Variants in DNMBP observed in about 807,000 individuals in gnomAD.
DNMBP encodes dynamin binding protein.
Under a neutral mutation model 150.0 loss-of-function variants are expected in DNMBP, and 87 were observed. The observed-to-expected ratio is 0.58, with a 90% CI of 0.49 to 0.69. The LOEUF (loss-of-function observed/expected upper bound fraction) is 0.69. Ranked by LOEUF, DNMBP falls within the 30% of genes least tolerant of loss-of-function variation. DNMBP has a pLI of 0.00. For missense variants in DNMBP, 1,774 were observed against 1,949.0 expected (o/e 0.91, Z 1.69); for synonymous variants, 711 against 750.4 (o/e 0.95, Z 0.86).
intron 4 of DNMBP, chr10:99,929,651 G>A: frequency 1.4e-6 from 1 of 700,234 alleles, no homozygotes; most frequent in South Asian, 1.5e-5. Flanking sequence ...AGCGCCTCAG[G>A]GTGCTGGGTG....
At position 99,955,369 on chromosome 10, in the gene DNMBP, T is replaced by C. The variant is rs1220994676; in HGVS notation, c.2105A>G (p.Glu702Gly). 6.2e-7 allele frequency: 1 copy of C among 1,614,070 alleles called. No homozygotes were observed. Among genetic ancestry groups the C allele is most frequent in the East Asian group, 2.2e-5 (1 of 44,890 alleles). ...PLVLVRIEEM[E>G]RDLDMYSRAQ... ...TCTACTGTACATATCCAAGTCCCGC[T>C]CCATTTCCTCAATCCTCACCAGCAC... is the stretch of plus-strand genomic sequence containing the variant. The change falls in exon 4 of 17, where the codon GAG (glutamate) becomes GGG (glycine). Residue 702 changes from glutamate to glycine, a missense_variant. Glu to Gly is a moderately conservative substitution (Grantham distance 98). Around this residue, in one of 2 missense-constraint regions of DNMBP, gnomAD observed 1,430 missense variants for 1,492.5 expected, o/e 0.96. Coordinates refer to ENST00000324109, the MANE Select transcript of DNMBP (RefSeq NM_015221.4).
At chr10:99,902,884 T>A (rs2039766150) in intron 6 of DNMBP, among the ~76,000 whole-genome samples, 1 of 150,174 alleles carries the variant, frequency 6.7e-6, no homozygotes, top group African/African-American at 2.5e-5. Context: ...GCAGAGGTCG[T>A]GCCACTGCAC....
chr10:99,964,901 T>C (rs1158677603), intron 3 of DNMBP, among the ~76,000 whole-genome samples: 1 of 149,612 alleles, frequency 6.7e-6, no homozygotes, highest in East Asian at 1.9e-4. Context: ...TATATATATA[T>C]ATATTTTAAC....
chr10:99,972,074 T>A lies in DNMBP; in HGVS notation c.51A>T (p.Val17=), dbSNP rs760850198. 1.2e-6 allele frequency: 2 copies of A among 1,614,020 alleles called. No homozygotes were observed. The highest frequency in any genetic ancestry group is 1.7e-6 in the Non-Finnish European group (2 of 1,179,984). Reference sequence around the variant, plus strand: ...CCACAAAGAGCGGCAGTTCTTCTGATACGCTAGGGCAGAAGTCAAAAATGG... The same window carrying A: ...CCACAAAGAGCGGCAGTTCTTCTGAAACGCTAGGGCAGAAGTCAAAAATGG... ...VRAIFDFCPS[V]SEELPLFVGD... The change falls in exon 2 of 17, where the codon GTA becomes GTT. Residue 17 remains valine (V), a synonymous_variant. Transcript: ENST00000324109.
At chr10:99,878,263 G>A (rs1159225834) in intron 16 of DNMBP, among the ~76,000 whole-genome samples, 1 of 152,186 alleles carries the variant, frequency 6.6e-6, no homozygotes, top group African/African-American at 2.4e-5. Context: ...AAGATCTCAT[G>A]ATCTAATGCC....
intron 2 of DNMBP, among the ~76,000 whole-genome samples, chr10:99,970,700 C>T (rs910815399): frequency 7.2e-5 from 11 of 152,064 alleles, no homozygotes; most frequent in African/African-American, 2.7e-4. Context: ...GTGCCGGGTG[C>T]GGTGGCTCAC....
At chr10:99,888,613 A>T (rs1266344847) in intron 12 of DNMBP, among the ~76,000 whole-genome samples, 1 of 150,426 alleles carries the variant, frequency 6.6e-6, no homozygotes, top group Admixed American at 6.6e-5. Context: ...GCTATTTTTT[A>T]AAAAACCTGT....
At chr10:99,930,069 A>T (rs545733588) in intron 4 of DNMBP, 1 of 702,768 alleles carries the variant, frequency 1.4e-6, no homozygotes, top group Non-Finnish European at 2.6e-6. Flanking sequence ...ATGGTATTTG[A>T]TAAATTCCTT....
At position 99,880,001 on chromosome 10, in the gene DNMBP, G is replaced by A. The variant is rs2039339056; in HGVS notation, c.4358C>T (p.Ala1453Val). ...GGCAGTGGGTTGCTTTACATCTCTA[G>A]CTACATCTGCAGAGTCCCCTGACCT... ...QPRSGDSADV[A>V]RDVKQPTATP... Residue 1453 changes from alanine to valine, a missense_variant, in exon 16 of 17, where the codon GCT (alanine) becomes GTT (valine). Around this residue, in one of 2 missense-constraint regions of DNMBP, gnomAD observed 1,430 missense variants for 1,492.5 expected, o/e 0.96. Coordinates refer to ENST00000324109, the MANE Select transcript of DNMBP (RefSeq NM_015221.4). 6.2e-6 allele frequency: 10 copies of A among 1,614,192 alleles called. No homozygotes were observed. The highest frequency in any genetic ancestry group is 4.4e-5 in the South Asian group (4 of 91,082).
At chr10:99,912,180 C>A (rs966057420) in intron 4 of DNMBP, among the ~76,000 whole-genome samples, 3 of 152,090 alleles carry the variant, frequency 2.0e-5, no homozygotes, top group Admixed American at 2.0e-4. Context: ...GGATTTAGAA[C>A]CTAAATATAT....
Position 99,955,199 on chromosome 10 carries a change from T to C in DNMBP, c.2260+15A>G. ...GTGTCAAGAAACAATTACATATTATTTCCTCGTCACTTACCTCTTAGTTGC... is the reference window on the plus strand; with the variant it reads ...GTGTCAAGAAACAATTACATATTATCTCCTCGTCACTTACCTCTTAGTTGC... On this transcript the variant is annotated intron_variant, in intron 4 of 16. Coordinates refer to ENST00000324109, the MANE Select transcript of DNMBP (RefSeq NM_015221.4). 6.2e-7 allele frequency: 1 copy of C among 1,600,620 alleles called. No individual in the cohort carries two copies. The highest frequency in any genetic ancestry group is 1.1e-5 in the South Asian group (1 of 89,004).
chr10:99,915,184 C>T (rs7894369), intron 4 of DNMBP, among the ~76,000 whole-genome samples: 60,998 of 141,436 alleles, frequency 0.43, 13,481 homozygotes, highest in Non-Finnish European at 0.46. Flanking sequence ...TATACATCTA[C>T]ACACATATAC....
chr10:99,990,756 CAT>C (rs1349050160), intron 1 of DNMBP, among the ~76,000 whole-genome samples: 1 of 98,454 alleles, frequency 1.0e-5, no homozygotes, highest in Non-Finnish European at 2.1e-5. Context: ...TGTATATACA[CAT>C]ATATACACAT....
intron 1 of DNMBP, among the ~76,000 whole-genome samples, chr10:100,001,226 G>A (rs1486347552): frequency 2.6e-5 from 2 of 77,992 alleles, no homozygotes; most frequent in Non-Finnish European, 4.5e-5. Context: ...GCAAGACTCC[G>A]TCTCATTAAA....
intron 1 of DNMBP, among the ~76,000 whole-genome samples, chr10:100,005,756 A>G (rs1346767125): frequency 2.9e-5 from 4 of 137,770 alleles, no homozygotes; most frequent in Non-Finnish European, 6.2e-5. Flanking sequence ...TCTTGTCTCA[A>G]AAGTCTCCAA....
intron 1 of DNMBP, among the ~76,000 whole-genome samples, chr10:99,991,468 T>C (rs1187877542): frequency 1.3e-5 from 2 of 152,104 alleles, no homozygotes; most frequent in Admixed American, 1.3e-4. Flanking sequence ...ATCTACTTTC[T>C]CTATATATAG....
chr10:99,912,646 G>T (rs1269411691), intron 4 of DNMBP, among the ~76,000 whole-genome samples: 1 of 152,056 alleles, frequency 6.6e-6, no homozygotes, highest in East Asian at 1.9e-4. Context: ...GTGGGACCGG[G>T]GTATCCGCAA....
intron 4 of DNMBP, among the ~76,000 whole-genome samples, chr10:99,913,794 A>G (rs1331038006): frequency 1.3e-5 from 2 of 152,170 alleles, no homozygotes; most frequent in African/African-American, 2.4e-5. Context: ...AGAGTTAAAG[A>G]GCAGAGCCAT....
chr10:99,995,992 T>C (rs2040947310), intron 1 of DNMBP, among the ~76,000 whole-genome samples: 1 of 152,256 alleles, frequency 6.6e-6, no homozygotes, highest in South Asian at 2.1e-4. Flanking sequence ...CATTATCTCC[T>C]GTATGTATTA....
Sources: allele counts gnomAD v4.1 joint callset (sites outside exome capture counted in the v4.1 genomes callset), GRCh38; gene constraint gnomAD v4.1.1; regional missense constraint gnomAD v4.1.1; transcripts MANE v1.5; gene names NCBI Gene and HGNC (gene_info 2026-07-23, HGNC 2026-07-21).